SLC22A8: variants seen among roughly 807,000 people sequenced by gnomAD.
SLC22A8 encodes the protein organic anion transporter 3.
SLC22A8 carries 40 observed loss-of-function variants against 48.4 expected under a neutral mutation model. The observed-to-expected ratio is 0.83, with a 90% CI of 0.64 to 1.08. SLC22A8 has a LOEUF of 1.08. SLC22A8 is among the 50% of genes least tolerant of loss of function. The pLI is 0.00. For synonymous variants in SLC22A8, 268 were observed against 286.3 expected (o/e 0.94, Z 0.65); for missense variants, 606 against 699.0 (o/e 0.87, Z 1.50).
chr11:63,010,883 T>C (rs1590701251), intron 2 of SLC22A8, among the ~76,000 whole-genome samples: 1 of 151,840 alleles, frequency 6.6e-6, no homozygotes, highest in South Asian at 2.1e-4. Context: ...TCTCGAGGGG[T>C]TTTCTGGAAA....
chr11:62,993,151 T>G lies in SLC22A8; in HGVS notation c.*86A>C. ...CTCAGAAGGCTTCATCCTAGGAGGA[T>G]GGACCTATATGGGGCCTCCCTATAC... is the stretch of plus-strand genomic sequence containing the variant. On this transcript the variant is annotated 3_prime_UTR_variant, in exon 11 of 11. Transcript: ENST00000336232. The G allele has an allele frequency of 1.1e-6, 1 of 948,832 alleles. No homozygotes were observed. Among genetic ancestry groups the G allele is most frequent in the Non-Finnish European group, 1.6e-6 (1 of 627,372 alleles). The allele number at this position is 948,832 out of a possible 1,614,324, so 58.8% of individuals were successfully genotyped here.
intron 2 of SLC22A8, among the ~76,000 whole-genome samples, chr11:63,001,560 C>T (rs189002276): frequency 1.3e-4 from 20 of 152,328 alleles, no homozygotes; most frequent in Non-Finnish European, 2.9e-4. Context: ...CTGCTGATCT[C>T]GCCCTCCGTC....
Position 62,999,069 on chromosome 11 carries a change from G to A in SLC22A8, c.613C>T (p.Arg205Trp), listed in dbSNP as rs779333605. ...VILNVEWVPT[R>W]MRAIMSTALG... is the part of the protein sequence containing the mutation. ...GCTGTCGACATGATGGCCCGCATCC[G>A]GGTAGGCACCCATTCCACATCTGTG... is the stretch of plus-strand genomic sequence containing the variant. Residue 205 changes from arginine (R) to tryptophan (W), a missense_variant, in exon 5 of 11, where the codon CGG becomes TGG. Transcript: ENST00000336232. 5.6e-6 allele frequency: 9 copies of A among 1,613,410 alleles called. No homozygotes were observed. The highest frequency in any genetic ancestry group is 1.3e-5 in the African/African-American group (1 of 74,926).
At chr11:63,009,150 C>G (rs2086588935) in intron 2 of SLC22A8, among the ~76,000 whole-genome samples, 1 of 152,094 alleles carries the variant, frequency 6.6e-6, no homozygotes, top group Non-Finnish European at 1.5e-5. Context: ...CCCGGCAGGG[C>G]TGAGGGTGGG....
In SLC22A8 at chr11:62,999,785, G is replaced by A. The variant is rs201960415; in HGVS notation, c.495C>T (p.Ser165=). The change falls in exon 4 of 11, where the codon TCC becomes TCT. Residue 165 remains serine (S), a synonymous_variant. Transcript: ENST00000336232. Reference sequence around the variant, plus strand: ...GGAAGGTGGGGCTGAAGGCTGCACCGGAGCCGCTGGCTGCCAGCAGCAGGT... The same window carrying A: ...GGAAGGTGGGGCTGAAGGCTGCACCAGAGCCGCTGGCTGCCAGCAGCAGGT... ...CSYLLLAASG[S]GAAFSPTFPI... 127 of 1,605,352 alleles carry A rather than the reference G, an allele frequency of 7.9e-5. No homozygotes were observed. The highest frequency in any genetic ancestry group is 9.5e-5 in the Non-Finnish European group (112 of 1,175,752).
Position 63,015,804 on chromosome 11 carries a change from A to T in SLC22A8, c.-101T>A, listed in dbSNP as rs1343735470. On this transcript the variant is annotated 5_prime_UTR_variant, in exon 1 of 11. Transcript: ENST00000336232. Reference sequence around the variant, plus strand: ...TCCCTGCTCTGTCCTAGGGGCCGGCAGCTGCTGTAGTAGGGCAGCTCAGCT... The same window carrying T: ...TCCCTGCTCTGTCCTAGGGGCCGGCTGCTGCTGTAGTAGGGCAGCTCAGCT... 6.6e-6 allele frequency: 1 copy of T among 152,414 alleles called. No individual in the cohort carries two copies. Among genetic ancestry groups the T allele is most frequent in the African/African-American group, 2.4e-5 (1 of 41,458 alleles). The allele number at this position is 152,414 out of a possible 1,614,324, so 9.4% of individuals were successfully genotyped here.
chr11:63,006,337 A>T (rs958629389), intron 2 of SLC22A8, among the ~76,000 whole-genome samples: 9 of 152,078 alleles, frequency 5.9e-5, no homozygotes, highest in African/African-American at 2.2e-4. Context: ...TTTGAAACTC[A>T]TGTCAATATC....
At chr11:62,999,409 A>AGATCAGG in intron 4 of SLC22A8, 1 of 479,762 alleles carries the variant, frequency 2.1e-6, no homozygotes, top group East Asian at 3.1e-5. Context: ...TGATCTGTAA[A>AGATCAGG]ATGGGAATAA....
chr11:62,999,146 C>T (rs901980563), intron 4 of SLC22A8, 57 bp from the exon 5 acceptor site: 93 of 1,476,448 alleles, frequency 6.3e-5, no homozygotes, highest in African/African-American at 1.1e-4. Flanking sequence ...GGCACCTCCG[C>T]GTGAAGGGGC....
chr11:62,992,943 A>G lies in SLC22A8; in HGVS notation c.*294T>C. ...TGTTAGGACTGAGCCAGGGGATATC[A>G]GGGGACCTCAGGGGAAGAGGACCGG... On this transcript the variant is annotated 3_prime_UTR_variant, in exon 11 of 11. Coordinates refer to ENST00000336232, the MANE Select transcript of SLC22A8 (RefSeq NM_004254.4). 1 of 459,404 alleles carries G rather than the reference A, an allele frequency of 2.2e-6. No homozygotes were observed. The highest frequency in any genetic ancestry group is 4.7e-5 in the South Asian group (1 of 21,390). 28.5% of individuals were successfully genotyped at this position (459,404 alleles called of 1,614,324 possible). A position where few individuals can be genotyped will look rare whatever the true frequency, so the allele number is the denominator to read the frequency against.
rs11568487 is a variant in SLC22A8, at chr11:62,993,276, G to T, written c.1590C>A (p.Ile530=). The T allele has an allele frequency of 1.4e-3, 2,288 of 1,613,362 alleles. 42 individuals are homozygous for T. The African/African-American group carries it at 0.028, about 20-fold the overall frequency. The change falls in exon 11 of 11, where the codon ATC becomes ATA. Residue 530 remains isoleucine, a synonymous_variant. Coordinates refer to ENST00000336232, the MANE Select transcript of SLC22A8 (RefSeq NM_004254.4). ...GGCCTGGTCCGTGAGGCTGTAGAGG[G>T]ATCCTCTGGGAGGCCTTTTCCACCT... ...EPEVEKASQR[I]PLQPHGPGLG...
At chr11:63,012,907 G>T (rs746969715) in intron 2 of SLC22A8, among the ~76,000 whole-genome samples, 1 of 152,150 alleles carries the variant, frequency 6.6e-6, no homozygotes, top group Non-Finnish European at 1.5e-5. Flanking sequence ...CTTGGTGCTG[G>T]GGGGAGAAAG....
chr11:63,009,982 T>C (rs561818327), intron 2 of SLC22A8, among the ~76,000 whole-genome samples: 1 of 152,288 alleles, frequency 6.6e-6, no homozygotes, highest in South Asian at 2.1e-4. Context: ...TAGAAACAAC[T>C]GTGAGAGCTG....
chr11:62,993,186 G>A lies in SLC22A8; in HGVS notation c.*51C>T. 7.0e-7 allele frequency: 1 copy of A among 1,428,808 alleles called. No homozygotes were observed. The highest frequency in any genetic ancestry group is 9.7e-7 in the Non-Finnish European group (1 of 1,027,534). The allele number at this position is 1,428,808 out of a possible 1,614,324, so 88.5% of individuals were successfully genotyped here. A position where few individuals can be genotyped will look rare whatever the true frequency, so the allele number is the denominator to read the frequency against. On this transcript the variant is annotated 3_prime_UTR_variant, in exon 11 of 11. Transcript: ENST00000336232. Reference sequence around the variant, plus strand: ...TGGGGCCTCCCTATACTCCTAAGGTGCCTGGCTAGGATCAGTCTCTGGAGG... The same window carrying A: ...TGGGGCCTCCCTATACTCCTAAGGTACCTGGCTAGGATCAGTCTCTGGAGG...
chr11:63,000,186 A>G (rs1237797578), intron 3 of SLC22A8, among the ~76,000 whole-genome samples: 1 of 152,130 alleles, frequency 6.6e-6, no homozygotes, highest in African/African-American at 2.4e-5. Flanking sequence ...TTCCCCTGGA[A>G]GAAGGGAAGG....
chr11:63,012,050 T>C (rs569214693), intron 2 of SLC22A8, among the ~76,000 whole-genome samples: 59 of 151,400 alleles, frequency 3.9e-4, no homozygotes, highest in African/African-American at 1.3e-3. Context: ...AGTGCAGTGG[T>C]GTGATCTTGG....
intron 2 of SLC22A8, among the ~76,000 whole-genome samples, chr11:63,013,198 A>G (rs1292756487): frequency 6.6e-6 from 1 of 152,204 alleles, no homozygotes; most frequent in Non-Finnish European, 1.5e-5. Context: ...ATATAAAAAT[A>G]TTTGTTAAAC....
chr11:63,009,831 A>G (rs1293864396), intron 2 of SLC22A8, among the ~76,000 whole-genome samples: 12 of 151,964 alleles, frequency 7.9e-5, no homozygotes, highest in Admixed American at 7.9e-4. Context: ...CCTCCTTAAA[A>G]TCCCCATTCT....
At chr11:62,998,525 A>G (rs1178250463) in intron 5 of SLC22A8, among the ~76,000 whole-genome samples, 1 of 151,894 alleles carries the variant, frequency 6.6e-6, no homozygotes, top group Non-Finnish European at 1.5e-5. Context: ...TATTGTCCCC[A>G]CTCAGTTGGG....
Sources: allele counts gnomAD v4.1 joint callset (sites outside exome capture counted in the v4.1 genomes callset), GRCh38; gene constraint gnomAD v4.1.1; transcripts MANE v1.5; gene names NCBI Gene and HGNC (gene_info 2026-07-23, HGNC 2026-07-21).